Variants in TRIM49 observed in about 807,000 individuals in gnomAD.
TRIM49 encodes the protein tripartite motif containing 49.
A neutral mutation model predicts 27.4 loss-of-function variants in TRIM49; 5 were observed. The observed-to-expected ratio is 0.18, with a 90% confidence interval of 0.10 to 0.38. TRIM49 has a LOEUF of 0.38. Among genes scored for constraint, TRIM49 ranks in the 10% least tolerant of loss-of-function variants. TRIM49 has a pLI of 1.00. For missense variants in TRIM49, 188 were observed against 487.5 expected, an observed-to-expected ratio of 0.39 and a Z score of 5.79; for synonymous variants, 69 against 166.0, an observed-to-expected ratio of 0.42 and a Z score of 4.49.
the TRIM49 span, among the ~76,000 whole-genome samples, chr11:89,770,783 G>A: frequency 2.4e-3 from 352 of 143,704 alleles, 29 homozygotes; most frequent in Non-Finnish European, 4.2e-3. Context: ...GGAGAATGGC[G>A]TGAACCCGGG....
chr11:89,788,015 A>C, the TRIM49 span, among the ~76,000 whole-genome samples: 2 of 145,638 alleles, frequency 1.4e-5, no homozygotes, highest in Non-Finnish European at 3.0e-5. Context: ...CCACCCTAGC[A>C]ATCAGTACAC....
chr11:89,787,579 G>GC, the TRIM49 span: 1 of 832,644 alleles, frequency 1.2e-6, no homozygotes, highest in Non-Finnish European at 1.8e-6. Flanking sequence ...CCAGCCTCCT[G>GC]CCCCTGCAGC....
chr11:89,791,790 T>G, the TRIM49 span, among the ~76,000 whole-genome samples: 2 of 152,160 alleles, frequency 1.3e-5, no homozygotes, highest in Non-Finnish European at 2.9e-5. Context: ...TGCAAAAACA[T>G]GCCAAATTGT....
chr11:89,769,122 C>A, the TRIM49 span, among the ~76,000 whole-genome samples: 1 of 132,004 alleles, frequency 7.6e-6, no homozygotes, highest in Non-Finnish European at 1.5e-5. Flanking sequence ...GCAGAAGTTG[C>A]AGTGAGCTGA....
downstream of TRIM49, among the ~76,000 whole-genome samples, chr11:89,797,369 G>A (rs899216428): frequency 7.3e-5 from 11 of 151,404 alleles, no homozygotes; most frequent in African/African-American, 2.4e-4. Flanking sequence ...CAATATAAAT[G>A]AACTAATTGT....
chr11:89,795,575 G>A (rs1472622082), downstream of TRIM49, among the ~76,000 whole-genome samples: 2 of 103,710 alleles, frequency 1.9e-5, no homozygotes, highest in African/African-American at 3.6e-5. Flanking sequence ...GGATGAGCTC[G>A]TGTCCTTTGT....
chr11:89,793,520 A>T (rs1413075710), downstream of TRIM49, among the ~76,000 whole-genome samples: 2 of 152,194 alleles, frequency 1.3e-5, no homozygotes, highest in African/African-American at 4.8e-5. Context: ...CAGCACATCA[A>T]AAAGCTTATC....
the TRIM49 span, among the ~76,000 whole-genome samples, chr11:89,769,990 G>A: frequency 7.3e-6 from 1 of 136,524 alleles, no homozygotes; most frequent in Non-Finnish European, 1.5e-5. Flanking sequence ...AATGAAGGAG[G>A]GGTGGGTCAA....
At chr11:89,803,589 T>A (rs879221847) in intron 4 of TRIM49, 109 bp downstream of exon 4, 1 of 1,498,710 alleles carries the variant, frequency 6.7e-7, no homozygotes, top group African/African-American at 1.4e-5. Flanking sequence ...GCCTTTTTTT[T>A]TTTACTGTAT....
At chr11:89,769,651 A>G in the TRIM49 span, among the ~76,000 whole-genome samples, 1 of 119,638 alleles carries the variant, frequency 8.4e-6, no homozygotes, top group South Asian at 2.8e-4. Context: ...AGGGAGGGAA[A>G]AGGGAAGGAA....
chr11:89,792,649 G>A, the TRIM49 span, among the ~76,000 whole-genome samples: 1 of 152,048 alleles, frequency 6.6e-6, no homozygotes, highest in African/African-American at 2.4e-5. Flanking sequence ...TGACTACCGG[G>A]TACATAACGA....
intron 4 of TRIM49, among the ~76,000 whole-genome samples, chr11:89,802,438 T>C (rs1949745812): frequency 2.0e-5 from 3 of 150,602 alleles, no homozygotes; most frequent in African/African-American, 7.4e-5. Flanking sequence ...TTCATTTCCT[T>C]CTATTCTTTT....
At chr11:89,801,458 C>T (rs2134639210) in intron 5 of TRIM49, among the ~76,000 whole-genome samples, 1 of 149,268 alleles carries the variant, frequency 6.7e-6, no homozygotes, top group Middle Eastern at 3.4e-3. Flanking sequence ...GGGAATATTT[C>T]TTGGGGCTGT....
intron 2 of TRIM49, among the ~76,000 whole-genome samples, chr11:89,806,373 C>A (rs1454269715): frequency 1.3e-5 from 2 of 148,894 alleles, no homozygotes; most frequent in African/African-American, 2.5e-5. Flanking sequence ...AAACTATAAT[C>A]TTTGTTTTGG....
the TRIM49 span, chr11:89,777,170 T>G: frequency 6.5e-7 from 1 of 1,549,322 alleles, no homozygotes; most frequent in Non-Finnish European, 8.7e-7. Context: ...AAGCCCAACT[T>G]CAACACCAAT....
chr11:89,797,362 T>C (rs1438742265), downstream of TRIM49, among the ~76,000 whole-genome samples: 1 of 151,662 alleles, frequency 6.6e-6, no homozygotes, highest in Non-Finnish European at 1.5e-5. Context: ...TCATTATCAA[T>C]ATAAATGAAC....
At chr11:89,794,464 A>C (rs1229711189), downstream of TRIM49, among the ~76,000 whole-genome samples, 1 of 151,416 alleles carries the variant, frequency 6.6e-6, no homozygotes, top group Non-Finnish European at 1.5e-5. Context: ...AGCTGGAGGC[A>C]TCACACTACT....
chr11:89,777,777 T>C, the TRIM49 span: 9 of 535,446 alleles, frequency 1.7e-5, no homozygotes, highest in African/African-American at 4.2e-5. Context: ...ATTATTAGAA[T>C]CATATTCGTT....
rs1949763363 is a variant in TRIM49, at chr11:89,804,092, GTGTC to G, written c.374_377del (p.Arg125ThrfsTer33). The G allele has an allele frequency of 6.2e-7, 1 of 1,608,018 alleles. No individual in the cohort carries two copies. The highest frequency in any genetic ancestry group is 1.4e-5 in the African/African-American group (1 of 73,748). ...CCTCAGCAGCCCACTCAATGGGACG[GTGTC>G]TGTGATACCGGTGCTCCTGAGAGCT... On this transcript the variant is annotated frameshift_variant, in exon 3 of 8. Transcript: ENST00000329758. LOFTEE classifies it high-confidence loss of function.
Sources: allele counts gnomAD v4.1 joint callset (sites outside exome capture counted in the v4.1 genomes callset), GRCh38; gene constraint gnomAD v4.1.1; transcripts MANE v1.5; gene names NCBI Gene and HGNC (gene_info 2026-07-23, HGNC 2026-07-21).